Variants in RNASE4 observed in about 807,000 individuals in gnomAD.
RNASE4 encodes the protein ribonuclease A family member 4, also known as ribonuclease 4.
For missense variants in RNASE4, 194 were observed against 192.8 expected, an observed-to-expected ratio of 1.01 and a Z score of -0.04; for synonymous variants, 93 against 71.4, an observed-to-expected ratio of 1.30 and a Z score of -1.52.
chr14:20,685,823 C>T (rs751025455), intron 1 of RNASE4, among the ~76,000 whole-genome samples: 4 of 151,964 alleles, frequency 2.6e-5, no homozygotes, highest in African/African-American at 9.7e-5. Context: ...GGGTGCATCA[C>T]AAGATCAGGA....
At chr14:20,690,904 C>T (rs1414002869) in intron 1 of RNASE4, among the ~76,000 whole-genome samples, 1 of 152,226 alleles carries the variant, frequency 6.6e-6, no homozygotes, top group African/African-American at 2.4e-5. Flanking sequence ...TCCACGATCA[C>T]GTGGGTAATG....
At chr14:20,693,254 G>T (rs374103655) in intron 1 of RNASE4, among the ~76,000 whole-genome samples, 1 of 152,252 alleles carries the variant, frequency 6.6e-6, no homozygotes, top group Non-Finnish European at 1.5e-5. Flanking sequence ...GAATTAAAGA[G>T]TGAGAGTGGA....
intron 1 of RNASE4, among the ~76,000 whole-genome samples, chr14:20,695,490 G>A (rs1435012430): frequency 1.3e-5 from 2 of 151,950 alleles, no homozygotes; most frequent in Non-Finnish European, 2.9e-5. Context: ...CATAACTTAG[G>A]TTAACACACT....
At chr14:20,694,013 C>T (rs1003934225) in intron 1 of RNASE4, 7 of 1,614,098 alleles carry the variant, frequency 4.3e-6, no homozygotes, top group South Asian at 1.1e-5. Flanking sequence ...CCGTAACCAG[C>T]GGGCCCCTGG....
At chr14:20,694,106 C>T (rs1886982457) in intron 1 of RNASE4, 1 of 1,369,314 alleles carries the variant, frequency 7.3e-7, no homozygotes. Context: ...GCCAAGGGCC[C>T]AAAGAAAGAG....
intron 1 of RNASE4, among the ~76,000 whole-genome samples, chr14:20,692,879 G>T (rs528727420): frequency 5.9e-5 from 9 of 151,952 alleles, no homozygotes; most frequent in Non-Finnish European, 1.3e-4. Context: ...ACGGAGTCTC[G>T]CTCTGTCGCC....
chr14:20,693,428 T>G, intron 1 of RNASE4: 1 of 1,314,552 alleles, frequency 7.6e-7, no homozygotes, highest in Non-Finnish European at 1.1e-6. Flanking sequence ...GAATATAAAA[T>G]TTGGTGGTGG....
chr14:20,693,945 T>A, intron 1 of RNASE4: 1 of 1,614,080 alleles, frequency 6.2e-7, no homozygotes, highest in Non-Finnish European at 8.5e-7. Context: ...TCAGAAACGT[T>A]GTTGTTGCTT....
At chr14:20,685,932 C>T (rs779232961) in intron 1 of RNASE4, among the ~76,000 whole-genome samples, 2 of 151,408 alleles carry the variant, frequency 1.3e-5, no homozygotes, top group Non-Finnish European at 2.9e-5. Flanking sequence ...CCCAGCTACT[C>T]GGGAGGCTGA....
At chr14:20,693,712 T>C in intron 1 of RNASE4, 1 of 1,614,154 alleles carries the variant, frequency 6.2e-7, no homozygotes, top group Admixed American at 1.7e-5. Flanking sequence ...TGACAGATAC[T>C]GTGAAAGCAT....
chr14:20,685,921 C>T (rs2319382), intron 1 of RNASE4, among the ~76,000 whole-genome samples: 65,364 of 151,450 alleles, frequency 0.43, 14,121 homozygotes, highest in Middle Eastern at 0.52. Flanking sequence ...GCACCTGTAA[C>T]CCCAGCTACT....
At chr14:20,687,601 C>CA (rs1445995419) in intron 1 of RNASE4, among the ~76,000 whole-genome samples, 2 of 152,214 alleles carry the variant, frequency 1.3e-5, no homozygotes, top group Non-Finnish European at 2.9e-5. Context: ...ATGAAGGGTT[C>CA]AAAGTCTGAC....
intron 1 of RNASE4, among the ~76,000 whole-genome samples, chr14:20,685,579 G>T (rs1285180444): frequency 6.6e-6 from 1 of 152,174 alleles, no homozygotes; most frequent in African/African-American, 2.4e-5. Context: ...CAAGAGGATA[G>T]GTTTATTACA....
rs949193354 is a variant in RNASE4 at position 20,700,165 on chromosome 14, C to A, written c.*350C>A. ...TTTATCACATTTTAATACCACAGCA[C>A]TTATAATGATGTCACTACATATAGA... On this transcript the variant is annotated 3_prime_UTR_variant, in exon 2 of 2. Coordinates refer to ENST00000555835, the MANE Select transcript of RNASE4 (RefSeq NM_002937.5). 4.4e-6 allele frequency: 1 copy of A among 224,814 alleles called. No homozygotes were observed. Among genetic ancestry groups the A allele is most frequent in the African/African-American group, 2.3e-5 (1 of 43,498 alleles). 13.9% of individuals were successfully genotyped at this position (224,814 alleles called of 1,614,324 possible).
At chr14:20,686,919 C>T (rs1886452178) in intron 1 of RNASE4, among the ~76,000 whole-genome samples, 3 of 152,284 alleles carry the variant, frequency 2.0e-5, no homozygotes, top group Non-Finnish European at 4.4e-5. Flanking sequence ...GGAAAGTGCT[C>T]TAACACTAGG....
At chr14:20,688,835 A>G in intron 1 of RNASE4, 1 of 985,400 alleles carries the variant, frequency 1.0e-6, no homozygotes, top group Non-Finnish European at 1.2e-6. Context: ...TCTCCCGTTG[A>G]AGGGAAACTG....
chr14:20,693,612 G>C, intron 1 of RNASE4: 1 of 1,614,006 alleles, frequency 6.2e-7, no homozygotes, highest in Non-Finnish European at 8.5e-7. Flanking sequence ...TGCTGGGTCT[G>C]GGTCTGACCC....
chr14:20,699,223 T>G, intron 1 of RNASE4, 132 bp from the exon 2 acceptor site: 1 of 691,072 alleles, frequency 1.4e-6, no homozygotes, highest in South Asian at 2.1e-5. Flanking sequence ...CAGAGATGAG[T>G]GGGGAGATGG....
At chr14:20,687,520 C>T (rs895155390) in intron 1 of RNASE4, among the ~76,000 whole-genome samples, 1 of 152,140 alleles carries the variant, frequency 6.6e-6, no homozygotes, top group Non-Finnish European at 1.5e-5. Flanking sequence ...GGCAGGGTAC[C>T]GCTTTTCGGG....
Sources: gnomAD v4.1 joint callset for allele counts (sites outside exome capture counted in the v4.1 genomes callset) on GRCh38, gnomAD v4.1.1 for gene constraint, MANE v1.5 for transcripts, NCBI Gene and HGNC (gene_info 2026-07-23, HGNC 2026-07-21) for gene names.